The following PCTP variants were observed in gnomAD, a reference collection of about 807,000 sequenced individuals.
The protein encoded by PCTP is phosphatidylcholine transfer protein.
A neutral mutation model predicts 31.0 loss-of-function variants in PCTP; 27 were observed. That is an observed-to-expected ratio of 0.87 (90% CI 0.64 to 1.20). The LOEUF (loss-of-function observed/expected upper bound fraction) is 1.20, where lower values mean the gene tolerates loss of function less well. PCTP is among the 50% of genes most tolerant of loss of function. PCTP has a pLI of 0.00. For missense variants in PCTP, 287 were observed against 268.2 expected (o/e 1.07, Z -0.49); for synonymous variants, 108 against 101.2 (o/e 1.07, Z -0.40).
Position 55,776,260 on chromosome 17 carries a change from C to T in PCTP, c.*160C>T. The T allele has an allele frequency of 3.5e-6, 5 of 1,426,278 alleles. No homozygotes were observed. Among genetic ancestry groups the T allele is most frequent in the Non-Finnish European group, 4.6e-6 (5 of 1,091,104 alleles). 88.4% of individuals were successfully genotyped at this position (1,426,278 alleles called of 1,614,324 possible). A position where few individuals can be genotyped will look rare whatever the true frequency, so the allele number is the denominator to read the frequency against. ...CCCTGCTGTTTCTGTCTTCAGAGGC[C>T]TACACACTACCACATCCTTTCTAAG... is the stretch of plus-strand genomic sequence containing the variant. On this transcript the variant is annotated 3_prime_UTR_variant, in exon 6 of 6. Transcript: ENST00000268896.
Position 55,776,927 on chromosome 17 carries a change from G to A in PCTP, c.*827G>A. On this transcript the variant is annotated 3_prime_UTR_variant, in exon 6 of 6. Coordinates refer to ENST00000268896, the MANE Select transcript of PCTP (RefSeq NM_021213.4). Reference sequence around the variant, plus strand: ...AAGATGGCTGTGGCAGCTAGCAAAAGCAAAGATGCTTTGTGCATAGCCTTG... The same window carrying A: ...AAGATGGCTGTGGCAGCTAGCAAAAACAAAGATGCTTTGTGCATAGCCTTG... The A allele has an allele frequency of 3.0e-6, 3 of 988,138 alleles. No individual in the cohort carries two copies. Among genetic ancestry groups the A allele is most frequent in the African/African-American group, 3.5e-5 (2 of 57,500 alleles). 61.2% of individuals were successfully genotyped at this position (988,138 alleles called of 1,614,324 possible). A position where few individuals can be genotyped will look rare whatever the true frequency, so the allele number is the denominator to read the frequency against.
intron 1 of PCTP, among the ~76,000 whole-genome samples, chr17:55,766,829 A>G (rs1006047533): frequency 2.6e-5 from 4 of 151,834 alleles, no homozygotes; most frequent in Non-Finnish European, 4.4e-5. Context: ...TCCCTGAGGA[A>G]TCGCCACACT....
At chr17:55,850,366 G>T in the PCTP span, among the ~76,000 whole-genome samples, 1 of 152,110 alleles carries the variant, frequency 6.6e-6, no homozygotes, top group African/African-American at 2.4e-5. Flanking sequence ...ACTGCTTTTT[G>T]TATAAGGAAT....
chr17:55,843,741 G>C (rs9905399), downstream of PCTP, among the ~76,000 whole-genome samples: 18,875 of 152,142 alleles, frequency 0.12, 1,707 homozygotes, highest in African/African-American at 0.26. Flanking sequence ...AATTTCTTGA[G>C]AGTAAAATTG....
rs148139342 is a variant in PCTP at position 55,797,955 on chromosome 17, G to C, written c.317+10301G>C. On this transcript the variant is annotated intron_variant, in intron 3 of 3. Transcript: ENST00000572536. Reference sequence around the variant, plus strand: ...GGAGATCCAGATACTAAATTTATAAGACACAAACTTTTAAAAAACTGGGAT... The same window carrying C: ...GGAGATCCAGATACTAAATTTATAACACACAAACTTTTAAAAAACTGGGAT... 4.4e-3 allele frequency among the ~76,000 whole-genome samples: 676 copies of C among 151,924 alleles called. 5 individuals carry two copies. Among genetic ancestry groups the C allele is most frequent in the Non-Finnish European group, 6.5e-3 (441 of 67,888 alleles).
chr17:55,832,295 A>G (rs1360591928), intron 5 of PCTP, among the ~76,000 whole-genome samples: 2 of 152,214 alleles, frequency 1.3e-5, no homozygotes, highest in African/African-American at 4.8e-5. Flanking sequence ...TGCTGATTGC[A>G]CAAAGTATCA....
At chr17:55,768,735 GC>G (rs1910823018) in intron 2 of PCTP, 1 of 152,172 alleles carries the variant, frequency 6.6e-6, no homozygotes, top group Non-Finnish European at 1.5e-5. Context: ...ATCCTCCAGG[GC>G]CTAGCATGGC....
At chr17:55,807,218 A>G (rs1912605021) in intron 3 of PCTP, among the ~76,000 whole-genome samples, 1 of 152,138 alleles carries the variant, frequency 6.6e-6, no homozygotes, top group East Asian at 1.9e-4. Flanking sequence ...TTCTTTCTTT[A>G]TCATCACCAT....
At chr17:55,778,910 G>A (rs1911462179), downstream of PCTP, among the ~76,000 whole-genome samples, 2 of 152,158 alleles carry the variant, frequency 1.3e-5, no homozygotes, top group Non-Finnish European at 2.9e-5. Flanking sequence ...CCAGCAGAGG[G>A]TCACTTCCCT....
chr17:55,789,992 G>C (rs1911897777), intron 3 of PCTP, among the ~76,000 whole-genome samples: 1 of 152,152 alleles, frequency 6.6e-6, no homozygotes, highest in East Asian at 1.9e-4. Flanking sequence ...TGCAAGCCTG[G>C]TTCAATATAT....
At chr17:55,794,361 T>C (rs1912111526) in intron 3 of PCTP, among the ~76,000 whole-genome samples, 1 of 152,060 alleles carries the variant, frequency 6.6e-6, no homozygotes, top group South Asian at 2.1e-4. Flanking sequence ...ATATTTATAT[T>C]TACCTCCTGA....
chr17:55,808,220 T>C (rs191296590), intron 3 of PCTP, among the ~76,000 whole-genome samples: 64 of 152,340 alleles, frequency 4.2e-4, no homozygotes, highest in African/African-American at 1.4e-3. Flanking sequence ...GGCCAAGTTA[T>C]TTGTAATCTA....
rs150480794 is a variant in PCTP at position 55,800,700 on chromosome 17, C to T, written c.317+13046C>T. ...CTTATTATGTTGAGAAACATTTCATCAAAACCTAGTTTATGGAATGTTCAG... is the reference window on the plus strand; with the variant it reads ...CTTATTATGTTGAGAAACATTTCATTAAAACCTAGTTTATGGAATGTTCAG... On this transcript the variant is annotated intron_variant, in intron 3 of 3. Coordinates refer to the PCTP transcript ENST00000572536. Among the ~76,000 whole-genome samples the T allele has an allele frequency of 3.3e-4, 50 of 152,218 alleles. No homozygotes were observed. In the East Asian group the frequency reaches 9.1e-3, roughly 28 times the overall value.
chr17:55,791,944 G>A (rs1911998883), intron 3 of PCTP, among the ~76,000 whole-genome samples: 1 of 151,874 alleles, frequency 6.6e-6, no homozygotes, highest in African/African-American at 2.4e-5. Flanking sequence ...AGGAAAATGT[G>A]GCACATATAC....
At chr17:55,772,403 A>G (rs760876048) in intron 3 of PCTP, among the ~76,000 whole-genome samples, 11 of 152,006 alleles carry the variant, frequency 7.2e-5, no homozygotes, top group Non-Finnish European at 1.5e-4. Context: ...CCTGGCCAAC[A>G]TGGAGAAACC....
chr17:55,760,388 A>C (rs961876259), intron 1 of PCTP, among the ~76,000 whole-genome samples: 2 of 152,234 alleles, frequency 1.3e-5, no homozygotes, highest in African/African-American at 4.8e-5. Context: ...CTAAGTACTT[A>C]TTATGTGCAC....
At chr17:55,842,395 A>G (rs1342586169) in intron 5 of PCTP, among the ~76,000 whole-genome samples, 1 of 152,158 alleles carries the variant, frequency 6.6e-6, no homozygotes, top group Admixed American at 6.5e-5. Flanking sequence ...TTTCACTGAG[A>G]TGTTGGAAGT....
At chr17:55,788,293 T>A (rs1462785336) in intron 3 of PCTP, among the ~76,000 whole-genome samples, 2 of 152,194 alleles carry the variant, frequency 1.3e-5, no homozygotes, top group East Asian at 3.9e-4. Flanking sequence ...TATTCTTGTC[T>A]TTAACAAACT....
chr17:55,830,260 C>G (rs574866514), intron 5 of PCTP, among the ~76,000 whole-genome samples: 1 of 152,074 alleles, frequency 6.6e-6, no homozygotes, highest in East Asian at 1.9e-4. Flanking sequence ...GTTTGAAAAC[C>G]GTAGAGTAGA....
Sources: gnomAD v4.1 joint callset for allele counts (sites outside exome capture counted in the v4.1 genomes callset) on GRCh38, gnomAD v4.1.1 for gene constraint, MANE v1.5 for transcripts, NCBI Gene and HGNC (gene_info 2026-07-23, HGNC 2026-07-21) for gene names.